The following ALX1 variants were observed in gnomAD, a reference collection of about 807,000 sequenced individuals.
ALX1 encodes ALX homeobox 1.
ALX1 carries 19 observed loss-of-function variants against 31.7 expected under a neutral mutation model. That is an observed-to-expected ratio of 0.60 (90% CI 0.42 to 0.88). The LOEUF is 0.88. ALX1 is among the 40% of genes least tolerant of loss of function. ALX1 has a pLI of 0.00. For missense variants in ALX1, 415 were observed against 407.8 expected, an observed-to-expected ratio of 1.02 and a Z score of -0.15; for synonymous variants, 153 against 148.8, an observed-to-expected ratio of 1.03 and a Z score of -0.20.
At chr12:85,282,515 TG>T (rs11304530) in intron 1 of ALX1, among the ~76,000 whole-genome samples, 2,955 of 152,234 alleles carry the variant, frequency 0.019, 99 homozygotes, top group African/African-American at 0.068. Context: ...AAATACATTA[TG>T]GGGGTAATTT....
Position 85,301,579 on chromosome 12 carries a change from G to A in ALX1, c.*104G>A, listed in dbSNP as rs1424910267. 1.4e-5 allele frequency: 17 copies of A among 1,214,244 alleles called. No individual in the cohort carries two copies. In the East Asian group the frequency reaches 3.2e-4, roughly 23 times the overall value. The allele number at this position is 1,214,244 out of a possible 1,614,324, so 75.2% of individuals were successfully genotyped here. A position where few individuals can be genotyped will look rare whatever the true frequency, so the allele number is the denominator to read the frequency against. ...AGCTGCTGTGTGTGGAATTGCTAAA[G>A]GTCAAGATATTCAGTGAGACCAGCT... On this transcript the variant is annotated 3_prime_UTR_variant, in exon 4 of 4. Transcript: ENST00000316824.
chr12:85,298,709 C>T (rs997691889), intron 3 of ALX1, among the ~76,000 whole-genome samples: 3 of 151,586 alleles, frequency 2.0e-5, no homozygotes, highest in Non-Finnish European at 4.4e-5. Flanking sequence ...CTTCACAAGC[C>T]CAACTAAAAT....
chr12:85,283,936 T>C (rs1896714702), intron 2 of ALX1, 60 bp downstream of exon 2: 3 of 1,569,228 alleles, frequency 1.9e-6, no homozygotes, highest in Admixed American at 1.7e-5. Flanking sequence ...GTTAGAATAA[T>C]TGAATAAGTG....
At chr12:85,295,438 A>G (rs1328570444) in intron 3 of ALX1, among the ~76,000 whole-genome samples, 1 of 151,652 alleles carries the variant, frequency 6.6e-6, no homozygotes, top group Non-Finnish European at 1.5e-5. Flanking sequence ...TTCATTTTTA[A>G]GAGAACATGT....
intron 2 of ALX1, among the ~76,000 whole-genome samples, chr12:85,285,383 A>G (rs1428581553): frequency 6.6e-6 from 1 of 151,986 alleles, no homozygotes; most frequent in Admixed American, 6.6e-5. Context: ...AAACCCAAAA[A>G]CGTATTACTA....
chr12:85,299,018 T>C (rs1896925987), intron 3 of ALX1, among the ~76,000 whole-genome samples: 1 of 151,714 alleles, frequency 6.6e-6, no homozygotes, highest in South Asian at 2.1e-4. Context: ...CATATTTCTG[T>C]GCATTTGGAA....
At chr12:85,290,047 A>G (rs1468999834) in intron 3 of ALX1, among the ~76,000 whole-genome samples, 2 of 151,198 alleles carry the variant, frequency 1.3e-5, no homozygotes, top group African/African-American at 2.4e-5. Flanking sequence ...AGAATTAGCA[A>G]TTTGGCAGAA....
At chr12:85,293,720 C>T (rs1896848753) in intron 3 of ALX1, among the ~76,000 whole-genome samples, 1 of 150,912 alleles carries the variant, frequency 6.6e-6, no homozygotes, top group African/African-American at 2.4e-5. Context: ...TTGCAGAGTG[C>T]CAACGTTAGC....
intron 3 of ALX1, among the ~76,000 whole-genome samples, chr12:85,295,864 T>A (rs1286666217): frequency 6.6e-6 from 1 of 151,636 alleles, no homozygotes; most frequent in Non-Finnish European, 1.5e-5. Context: ...CTTAATTAGT[T>A]GTTTTGGAGA....
intron 3 of ALX1, among the ~76,000 whole-genome samples, chr12:85,288,140 C>A (rs1355801040): frequency 3.3e-5 from 5 of 151,370 alleles, no homozygotes; most frequent in Admixed American, 2.6e-4. Context: ...TTGTTCAACT[C>A]CTTCCTTTAA....
chr12:85,299,192 C>G (rs1896927737), intron 3 of ALX1, among the ~76,000 whole-genome samples: 1 of 149,250 alleles, frequency 6.7e-6, no homozygotes, highest in Non-Finnish European at 1.5e-5. Flanking sequence ...GCTCTTTTAT[C>G]AGACATGTGA....
At chr12:85,288,241 C>T (rs571683202) in intron 3 of ALX1, among the ~76,000 whole-genome samples, 10 of 151,566 alleles carry the variant, frequency 6.6e-5, no homozygotes, top group South Asian at 2.1e-4. Context: ...AAGGTCGCTA[C>T]GTCTAAACCT....
chr12:85,290,825 C>T (rs1450917579), intron 3 of ALX1, among the ~76,000 whole-genome samples: 1 of 151,016 alleles, frequency 6.6e-6, no homozygotes, highest in Non-Finnish European at 1.5e-5. Context: ...CTCCATGAAG[C>T]CTCTGGGATG....
intron 3 of ALX1, among the ~76,000 whole-genome samples, chr12:85,299,908 C>T (rs954423975): frequency 6.6e-6 from 1 of 151,914 alleles, no homozygotes; most frequent in Non-Finnish European, 1.5e-5. Flanking sequence ...TCTACTCTTA[C>T]ATCATGATTT....
chr12:85,285,086 C>T (rs1429638885), intron 2 of ALX1, among the ~76,000 whole-genome samples: 2 of 151,922 alleles, frequency 1.3e-5, no homozygotes, highest in East Asian at 3.9e-4. Flanking sequence ...GTATTAACAC[C>T]CGCTGTGTAA....
rs1896723650 is a variant in ALX1, at chr12:85,284,509, A to G, written c.531+633A>G. Among the ~76,000 whole-genome samples, 3 of 152,268 alleles carry G rather than the reference A, an allele frequency of 2.0e-5. 1 individual carries two copies. ...ATAATGGTTAAAGTCTAGATAAATC[A>G]TATGAATTTTGCATAGGCAATAAAA... On this transcript the variant is annotated intron_variant, in intron 2 of 3. Coordinates refer to ENST00000316824, the MANE Select transcript of ALX1 (RefSeq NM_006982.3).
chr12:85,287,365 T>C (rs1896761652), intron 3 of ALX1, among the ~76,000 whole-genome samples: 1 of 151,538 alleles, frequency 6.6e-6, no homozygotes, highest in Admixed American at 6.6e-5. Flanking sequence ...TCTCTGTGGA[T>C]ATTGTTTTAT....
chr12:85,300,140 T>C (rs1306503524), intron 3 of ALX1, among the ~76,000 whole-genome samples: 1 of 152,036 alleles, frequency 6.6e-6, no homozygotes, highest in African/African-American at 2.4e-5. Flanking sequence ...ATGGGGTTCC[T>C]GCTTTTGTTT....
chr12:85,287,009 C>G, intron 3 of ALX1, 28 bp downstream of exon 3: 1 of 1,609,816 alleles, frequency 6.2e-7, no homozygotes, highest in Non-Finnish European at 8.5e-7. Flanking sequence ...GAATACTGAT[C>G]AAGAAAAGGA....
Sources: gnomAD v4.1 joint callset for allele counts (sites outside exome capture counted in the v4.1 genomes callset) on GRCh38, gnomAD v4.1.1 for gene constraint, MANE v1.5 for transcripts, NCBI Gene and HGNC (gene_info 2026-07-23, HGNC 2026-07-21) for gene names.